The following SORCS1 variants were observed in gnomAD, a reference collection of about 807,000 sequenced individuals.
The protein encoded by SORCS1 is sortilin related VPS10 domain containing receptor 1, also known as VPS10 domain-containing receptor SorCS1.
A neutral mutation model predicts 146.1 loss-of-function variants in SORCS1; 60 were observed. That is an observed-to-expected ratio of 0.41 (90% CI 0.33 to 0.51). The LOEUF (loss-of-function observed/expected upper bound fraction) is 0.51. Ranked by LOEUF, SORCS1 falls within the 20% of genes least tolerant of loss-of-function variation. SORCS1 has a pLI of 0.21. For missense variants in SORCS1, 1,352 were observed against 1,487.6 expected, an observed-to-expected ratio of 0.91 and a Z score of 1.50; for synonymous variants, 637 against 584.0, an observed-to-expected ratio of 1.09 and a Z score of -1.31.
chr10:106,726,359 C>CAAAAA (rs60801871), intron 6 of SORCS1, among the ~76,000 whole-genome samples: 25 of 43,588 alleles, frequency 5.7e-4, no homozygotes, highest in Non-Finnish European at 6.4e-4. Flanking sequence ...GCTGCCTTCG[C>CAAAAA]AAAAAAAAAA....
At chr10:107,024,349 G>A (rs1048566520) in intron 1 of SORCS1, among the ~76,000 whole-genome samples, 1 of 152,046 alleles carries the variant, frequency 6.6e-6, no homozygotes, top group East Asian at 1.9e-4. Flanking sequence ...GGGGGTGAGA[G>A]AGTGAGAAGA....
chr10:106,699,322 C>G lies in SORCS1; in HGVS notation c.1305G>C (p.Thr435=), dbSNP rs1380052706. 6.2e-7 allele frequency: 1 copy of G among 1,613,962 alleles called. No individual in the cohort carries two copies. Among genetic ancestry groups the G allele is most frequent in the East Asian group, 2.2e-5 (1 of 44,876 alleles). ...GTGTGTCTGAGATGTAGAGGTTGTA[C>G]GTGTCATTCTGGTTCCATTCTTGGA... is the stretch of plus-strand genomic sequence containing the variant. ...AAVQEWNQND[T]YNLYISDTRG... The change falls in exon 9 of 26, where the codon ACG becomes ACC. Residue 435 remains threonine (T), a synonymous_variant. Transcript: ENST00000263054.
At chr10:106,862,491 A>T (rs1189612049) in intron 2 of SORCS1, among the ~76,000 whole-genome samples, 2 of 152,140 alleles carry the variant, frequency 1.3e-5, no homozygotes, top group East Asian at 3.9e-4. Context: ...TCTCTCTTCA[A>T]TGTTTTTTTT....
chr10:107,004,035 C>T (rs1957328977), intron 1 of SORCS1, among the ~76,000 whole-genome samples: 2 of 151,912 alleles, frequency 1.3e-5, no homozygotes, highest in Middle Eastern at 3.4e-3. Context: ...ATTAGCCAGG[C>T]GTGGTGGCTG....
intron 2 of SORCS1, among the ~76,000 whole-genome samples, chr10:106,839,668 C>G (rs1320292615): frequency 2.0e-5 from 3 of 152,160 alleles, no homozygotes; most frequent in Admixed American, 6.5e-5. Context: ...AAAGACGATT[C>G]CATTAGAATT....
chr10:106,823,321 GTTC>G (rs944637255), intron 3 of SORCS1, among the ~76,000 whole-genome samples: 1 of 152,104 alleles, frequency 6.6e-6, no homozygotes, highest in African/African-American at 2.4e-5. Flanking sequence ...TATTAATCAT[GTTC>G]TTCTTGGTTA....
chr10:106,896,967 T>C (rs920795857), intron 2 of SORCS1, among the ~76,000 whole-genome samples: 4 of 147,320 alleles, frequency 2.7e-5, no homozygotes, highest in African/African-American at 5.1e-5. Context: ...CTCGGCTCAC[T>C]GCAAGCTCCA....
At chr10:106,714,787 G>A (rs541284922) in intron 6 of SORCS1, among the ~76,000 whole-genome samples, 4 of 152,250 alleles carry the variant, frequency 2.6e-5, no homozygotes, top group Non-Finnish European at 5.9e-5. Flanking sequence ...GGGGAGCGGG[G>A]AGTCAAGATG....
chr10:106,783,069 T>A (rs747662170), intron 3 of SORCS1, among the ~76,000 whole-genome samples: 3 of 152,250 alleles, frequency 2.0e-5, no homozygotes, highest in Non-Finnish European at 2.9e-5. Flanking sequence ...GAATTTCTTC[T>A]CTGCTATTAT....
At chr10:107,128,672 A>C (rs1470522567) in intron 1 of SORCS1, among the ~76,000 whole-genome samples, 1 of 152,230 alleles carries the variant, frequency 6.6e-6, no homozygotes, top group Non-Finnish European at 1.5e-5. Flanking sequence ...TAGTTCCTTA[A>C]GGAACATTTT....
In SORCS1 at chr10:106,805,085, C is replaced by A. The variant is rs184501693; in HGVS notation, c.726+24489G>T. Among the ~76,000 whole-genome samples, 165 of 152,258 alleles carry A rather than the reference C, an allele frequency of 1.1e-3. No homozygotes were observed. In the Middle Eastern group the frequency reaches 0.014, roughly 13 times the overall value. On this transcript the variant is annotated intron_variant, in intron 3 of 25. Transcript: ENST00000263054. ...TCCTGAGCACTACAGATTTATCACTCCCCAGGCCTTCCAAAGGACTTGAAA... is the reference window on the plus strand; with the variant it reads ...TCCTGAGCACTACAGATTTATCACTACCCAGGCCTTCCAAAGGACTTGAAA...
chr10:106,697,944 T>C (rs142245269), intron 9 of SORCS1, among the ~76,000 whole-genome samples: 173 of 152,318 alleles, frequency 1.1e-3, no homozygotes, highest in Middle Eastern at 0.01. Context: ...TCATACATGA[T>C]ATTGTATTTA....
intron 2 of SORCS1, among the ~76,000 whole-genome samples, chr10:106,856,028 ATTT>A (rs34770451): frequency 1.4e-5 from 2 of 140,974 alleles, no homozygotes; most frequent in Admixed American, 7.1e-5. Context: ...GAGACACAAC[ATTT>A]TTTTTTTTTT....
intron 1 of SORCS1, among the ~76,000 whole-genome samples, chr10:107,041,666 T>C (rs1469861561): frequency 6.6e-6 from 1 of 152,124 alleles, no homozygotes; most frequent in Non-Finnish European, 1.5e-5. Context: ...CAGAATTTTA[T>C]ATAGAGGCCC....
At chr10:107,126,875 A>G (rs1363754050) in intron 1 of SORCS1, among the ~76,000 whole-genome samples, 1 of 152,168 alleles carries the variant, frequency 6.6e-6, no homozygotes, top group Non-Finnish European at 1.5e-5. Flanking sequence ...AAGATATGTT[A>G]GGAACTAATG....
intron 6 of SORCS1, among the ~76,000 whole-genome samples, chr10:106,728,795 A>C (rs2135999988): frequency 6.6e-6 from 1 of 152,212 alleles, no homozygotes; most frequent in Admixed American, 6.5e-5. Flanking sequence ...ATATTTTAGA[A>C]ACTGGGAAGG....
At chr10:106,618,421 A>G (rs1031952804) in intron 20 of SORCS1, 149 bp from the exon 21 acceptor site, 25 of 958,380 alleles carry the variant, frequency 2.6e-5, no homozygotes, top group Middle Eastern at 2.3e-4. Context: ...ATGCCTCCCT[A>G]TCATCTCAAG....
At chr10:106,840,004 A>G (rs1052387762) in intron 2 of SORCS1, among the ~76,000 whole-genome samples, 1 of 152,150 alleles carries the variant, frequency 6.6e-6, no homozygotes, top group East Asian at 1.9e-4. Context: ...TCATCCATGA[A>G]CTCTGATGGA....
intron 2 of SORCS1, among the ~76,000 whole-genome samples, chr10:106,864,292 A>T (rs1950144946): frequency 6.6e-6 from 1 of 152,170 alleles, no homozygotes; most frequent in Non-Finnish European, 1.5e-5. Flanking sequence ...AGGGAGCAAC[A>T]CAAAGCCAGG....
Sources: gnomAD v4.1 joint callset for allele counts (sites outside exome capture counted in the v4.1 genomes callset) on GRCh38, gnomAD v4.1.1 for gene constraint, MANE v1.5 for transcripts, NCBI Gene and HGNC (gene_info 2026-07-23, HGNC 2026-07-21) for gene names.